The following NUBPL variants were observed in gnomAD, a reference collection of about 807,000 sequenced individuals.
NUBPL encodes the protein NUBP iron-sulfur cluster assembly factor, mitochondrial.
Under a neutral mutation model 45.7 loss-of-function variants are expected in NUBPL, and 31 were observed. That is an observed-to-expected ratio of 0.68 (90% CI 0.51 to 0.92). The LOEUF is 0.92. NUBPL is among the 40% of genes least tolerant of loss of function. The probability of loss-of-function intolerance (pLI) is 0.00; values close to 1 mark genes in which losing one functional copy is unlikely to be tolerated. For missense variants in NUBPL, 401 were observed against 398.7 expected (o/e 1.01, Z -0.05); for synonymous variants, 144 against 140.9 (o/e 1.02, Z -0.15).
chr14:31,699,444 T>C (rs999532492), intron 6 of NUBPL, among the ~76,000 whole-genome samples: 3 of 152,230 alleles, frequency 2.0e-5, no homozygotes, highest in African/African-American at 4.8e-5. Context: ...TTCTATATAA[T>C]GTACTATTAC....
At chr14:31,763,518 A>T (rs945844649) in intron 6 of NUBPL, among the ~76,000 whole-genome samples, 1 of 152,320 alleles carries the variant, frequency 6.6e-6, no homozygotes, top group East Asian at 1.9e-4. Context: ...AGATTGAAAG[A>T]AAGAGAAACA....
intron 4 of NUBPL, among the ~76,000 whole-genome samples, chr14:31,652,964 C>A (rs183325428): frequency 6.6e-6 from 1 of 152,072 alleles, no homozygotes; most frequent in East Asian, 1.9e-4. Context: ...GGTGACATCA[C>A]GTATCAGTAG....
intron 6 of NUBPL, among the ~76,000 whole-genome samples, chr14:31,766,050 T>C (rs115793173): frequency 1.5e-3 from 226 of 152,314 alleles, no homozygotes; most frequent in Middle Eastern, 0.014. Context: ...CCCAAGCCCT[T>C]ACTGAGTTAT....
intron 4 of NUBPL, among the ~76,000 whole-genome samples, chr14:31,600,070 C>T (rs1296575503): frequency 2.6e-5 from 4 of 151,448 alleles, no homozygotes; most frequent in African/African-American, 7.3e-5. Context: ...TACAGGTGCA[C>T]GCCACCACGC....
At chr14:31,565,892 A>G (rs547393057) in intron 3 of NUBPL, among the ~76,000 whole-genome samples, 37 of 152,246 alleles carry the variant, frequency 2.4e-4, no homozygotes, top group African/African-American at 8.9e-4. Flanking sequence ...GCTATAGTCT[A>G]TGGGAGTATC....
chr14:31,672,004 A>C (rs2036581304), intron 4 of NUBPL, among the ~76,000 whole-genome samples: 1 of 152,242 alleles, frequency 6.6e-6, no homozygotes, highest in Non-Finnish European at 1.5e-5. Flanking sequence ...GTAGAGAAGT[A>C]GGATATGAAA....
chr14:31,572,416 G>A (rs774849631), intron 3 of NUBPL, among the ~76,000 whole-genome samples: 30 of 152,200 alleles, frequency 2.0e-4, no homozygotes, highest in Admixed American at 5.9e-4. Flanking sequence ...TGGGATTACC[G>A]GCGTGAGCCA....
At chr14:31,730,939 T>A (rs1054335001) in intron 6 of NUBPL, among the ~76,000 whole-genome samples, 2 of 152,118 alleles carry the variant, frequency 1.3e-5, no homozygotes, top group Non-Finnish European at 2.9e-5. Context: ...CATGGAAGGA[T>A]AAAAGACACT....
chr14:31,836,484 G>A (rs1010369742), intron 8 of NUBPL, among the ~76,000 whole-genome samples: 2 of 152,090 alleles, frequency 1.3e-5, no homozygotes, highest in Admixed American at 6.5e-5. Context: ...AGTATATGAA[G>A]TATTCACAAG....
intron 3 of NUBPL, among the ~76,000 whole-genome samples, chr14:31,589,674 G>A (rs1322682395): frequency 6.6e-6 from 1 of 151,902 alleles, no homozygotes; most frequent in Non-Finnish European, 1.5e-5. Flanking sequence ...TCCTCCACAA[G>A]CACACACACA....
intron 8 of NUBPL, among the ~76,000 whole-genome samples, chr14:31,833,706 T>C (rs565091085): frequency 1.3e-5 from 2 of 152,332 alleles, no homozygotes; most frequent in African/African-American, 2.4e-5. Flanking sequence ...TCATCTTCAA[T>C]TGTGACTTCT....
At chr14:31,644,915 T>G (rs758523474) in intron 4 of NUBPL, among the ~76,000 whole-genome samples, 3 of 152,172 alleles carry the variant, frequency 2.0e-5, no homozygotes, top group African/African-American at 7.2e-5. Flanking sequence ...GTTTGTTCTT[T>G]TTTGCACAGT....
intron 6 of NUBPL, among the ~76,000 whole-genome samples, chr14:31,759,914 G>A (rs1345933839): frequency 1.3e-5 from 2 of 151,000 alleles, no homozygotes; most frequent in African/African-American, 2.4e-5. Flanking sequence ...AGGAAGGGAA[G>A]GCTAAGCTAT....
Position 31,761,885 on chromosome 14 carries a change from G to A in NUBPL, c.514-25895G>A, listed in dbSNP as rs536768761. 1.1e-4 allele frequency among the ~76,000 whole-genome samples: 17 copies of A among 152,216 alleles called. No individual in the cohort carries two copies. The South Asian group carries it at 3.5e-3, about 32-fold the overall frequency. The stretch of plus-strand genomic sequence containing the variant: ...TTCATCAAAGAATCTAACAAAGCAT[G>A]GATTATGAGTGTACATGTATGTACA... On this transcript the variant is annotated intron_variant, in intron 6 of 10. Transcript: ENST00000281081.
intron 4 of NUBPL, among the ~76,000 whole-genome samples, chr14:31,663,402 A>C (rs1379154990): frequency 1.3e-5 from 2 of 151,960 alleles, no homozygotes; most frequent in Non-Finnish European, 2.9e-5. Context: ...ATCCATCTTG[A>C]GTTAATTTTT....
chr14:31,748,912 C>T (rs1039378578), intron 6 of NUBPL, among the ~76,000 whole-genome samples: 6 of 152,088 alleles, frequency 3.9e-5, no homozygotes, highest in African/African-American at 1.2e-4. Flanking sequence ...GCGCCCCACC[C>T]CTGCTTTGTT....
chr14:31,646,989 C>G (rs1319417164), intron 4 of NUBPL, among the ~76,000 whole-genome samples: 1 of 152,070 alleles, frequency 6.6e-6, no homozygotes, highest in Non-Finnish European at 1.5e-5. Flanking sequence ...CTGCTGCTGA[C>G]TACTTCTAAT....
chr14:31,790,623 A>G (rs2039362703), intron 7 of NUBPL, among the ~76,000 whole-genome samples: 2 of 152,084 alleles, frequency 1.3e-5, no homozygotes, highest in Non-Finnish European at 1.5e-5. Flanking sequence ...AGGCTGAGGC[A>G]GGCAGATCAC....
chr14:31,659,093 G>C (rs1011768606), intron 4 of NUBPL, among the ~76,000 whole-genome samples: 30 of 152,162 alleles, frequency 2.0e-4, no homozygotes, highest in African/African-American at 7.2e-4. Context: ...GGATAACCTT[G>C]ACTTTCCCCA....
Sources: gnomAD v4.1 joint callset for allele counts (sites outside exome capture counted in the v4.1 genomes callset) on GRCh38, gnomAD v4.1.1 for gene constraint, MANE v1.5 for transcripts, NCBI Gene and HGNC (gene_info 2026-07-23, HGNC 2026-07-21) for gene names.